Variants in INPP5F observed in about 807,000 individuals in gnomAD.
INPP5F encodes the protein inositol polyphosphate-5-phosphatase F.
INPP5F carries 97 observed loss-of-function variants against 137.2 expected under a neutral mutation model. The observed-to-expected ratio is 0.71, with a 90% CI of 0.60 to 0.84. The LOEUF is 0.84. Among genes scored for constraint, INPP5F ranks in the 40% least tolerant of loss-of-function variants. The pLI, the probability that INPP5F is intolerant of heterozygous loss-of-function variation, is 0.00. For synonymous variants in INPP5F, 504 were observed against 476.9 expected, an observed-to-expected ratio of 1.06 and a Z score of -0.74; for missense variants, 1,271 against 1,371.9, an observed-to-expected ratio of 0.93 and a Z score of 1.16.
At chr10:119,799,180 G>C in intron 9 of INPP5F, 1 of 228,130 alleles carries the variant, frequency 4.4e-6, no homozygotes, top group South Asian at 5.3e-5. Flanking sequence ...TGGTAGGTGA[G>C]ATACAAGTTC....
At chr10:119,741,641 T>C (rs979443066) in intron 1 of INPP5F, among the ~76,000 whole-genome samples, 2 of 152,166 alleles carry the variant, frequency 1.3e-5, no homozygotes, top group South Asian at 4.1e-4. Flanking sequence ...TTCAAGCCGT[T>C]CTCTTGCCTC....
chr10:119,769,433 G>A (rs35490121), intron 2 of INPP5F, among the ~76,000 whole-genome samples: 6,336 of 152,210 alleles, frequency 0.042, 235 homozygotes, highest in South Asian at 0.22. Flanking sequence ...GGATCTGGCA[G>A]TGATGTTTAA....
chr10:119,821,337 CGTGTGT>C (rs3067616), intron 16 of INPP5F, among the ~76,000 whole-genome samples: 12 of 150,046 alleles, frequency 8.0e-5, no homozygotes, highest in Admixed American at 2.7e-4. Flanking sequence ...TATGCAATAA[CGTGTGT>C]GTGTGTGTGT....
At chr10:119,774,261 CAAAAAAAAAAA>C (rs572329987) in intron 2 of INPP5F, among the ~76,000 whole-genome samples, 1 of 82,138 alleles carries the variant, frequency 1.2e-5, no homozygotes, top group Non-Finnish European at 2.4e-5. Flanking sequence ...ACTCAGTCTC[CAAAAAAAAAAA>C]AAAAAAAAAA....
chr10:119,759,395 CT>C (rs879801815), intron 2 of INPP5F, among the ~76,000 whole-genome samples: 30 of 147,186 alleles, frequency 2.0e-4, no homozygotes, highest in Non-Finnish European at 3.0e-4. Flanking sequence ...GTAAGATTTA[CT>C]TTTTTTTTTT....
chr10:119,765,779 GTGTGTA>G (rs1206172436), intron 2 of INPP5F, among the ~76,000 whole-genome samples: 84 of 142,198 alleles, frequency 5.9e-4, no homozygotes, highest in African/African-American at 2.1e-3. Flanking sequence ...GTGTGTGTGT[GTGTGTA>G]TAGTGTATAT....
intron 7 of INPP5F, 38 bp downstream of exon 7, chr10:119,796,951 A>G (rs1171540863): frequency 1.3e-6 from 2 of 1,548,380 alleles, no homozygotes; most frequent in Non-Finnish European, 1.8e-6. Flanking sequence ...AATCAAATCC[A>G]GGCGAGAATG....
chr10:119,767,578 A>G (rs926567341), intron 2 of INPP5F, among the ~76,000 whole-genome samples: 2 of 152,238 alleles, frequency 1.3e-5, no homozygotes, highest in African/African-American at 4.8e-5. Flanking sequence ...TATGTCAGAC[A>G]TTACATAACA....
At chr10:119,732,509 T>C (rs1848109358) in intron 1 of INPP5F, among the ~76,000 whole-genome samples, 1 of 148,078 alleles carries the variant, frequency 6.8e-6, no homozygotes, top group African/African-American at 2.5e-5. Context: ...TCTTTTTTTT[T>C]TTTTTTTTGA....
chr10:119,782,609 G>A (rs1052575520), intron 3 of INPP5F, among the ~76,000 whole-genome samples: 7 of 152,088 alleles, frequency 4.6e-5, no homozygotes, highest in African/African-American at 1.4e-4. Flanking sequence ...TGAGCTGAGG[G>A]GTTCGAGACC....
At chr10:119,786,850 C>A (rs757138855) in intron 3 of INPP5F, among the ~76,000 whole-genome samples, 2 of 152,098 alleles carry the variant, frequency 1.3e-5, no homozygotes, top group Non-Finnish European at 2.9e-5. Flanking sequence ...TAGAAAAAAT[C>A]ACTTTTAAGA....
intron 2 of INPP5F, among the ~76,000 whole-genome samples, chr10:119,779,124 G>C (rs984961826): frequency 9.2e-5 from 14 of 152,076 alleles, no homozygotes; most frequent in Non-Finnish European, 4.4e-5. Flanking sequence ...GATACATATA[G>C]TTATGCATCA....
At chr10:119,758,209 G>C (rs1848906843) in intron 2 of INPP5F, among the ~76,000 whole-genome samples, 1 of 152,224 alleles carries the variant, frequency 6.6e-6, no homozygotes, top group African/African-American at 2.4e-5. Flanking sequence ...TGACAGAAGA[G>C]CCTAACTGGG....
At position 119,827,921 on chromosome 10, in the gene INPP5F, T is replaced by C; in HGVS notation, c.*141T>C. 1 of 676,800 alleles carries C rather than the reference T, an allele frequency of 1.5e-6. No homozygotes were observed. The allele number at this position is 676,800 out of a possible 1,614,324, so 41.9% of individuals were successfully genotyped here. On this transcript the variant is annotated 3_prime_UTR_variant, in exon 20 of 20. Coordinates refer to ENST00000650623, the MANE Select transcript of INPP5F (RefSeq NM_014937.4). ...AAGGGTTTTAAACGGAGTCGGAACC[T>C]GAGTAGATTTCCAAATTTTACAGCC... is the stretch of plus-strand genomic sequence containing the variant.
chr10:119,810,258 C>T, intron 14 of INPP5F, 41 bp downstream of exon 14: 2 of 1,018,110 alleles, frequency 2.0e-6, no homozygotes, highest in Non-Finnish European at 1.5e-6. Context: ...AAATTTATGT[C>T]TTCTGTGACT....
At position 119,797,450 on chromosome 10, in the gene INPP5F, T is replaced by C. The variant is rs778769972; in HGVS notation, c.869-11T>C. 2 of 1,587,874 alleles carry C rather than the reference T, an allele frequency of 1.3e-6. No individual in the cohort carries two copies. The highest frequency in any genetic ancestry group is 2.3e-5 in the South Asian group (2 of 87,294). Reference sequence around the variant, plus strand: ...AAAATGTTGCTGTTTTCTGTTTTAATTTTCTTTCAGGAATGCGCTATAAAC... The same window carrying C: ...AAAATGTTGCTGTTTTCTGTTTTAACTTTCTTTCAGGAATGCGCTATAAAC... On this transcript the variant is annotated splice_polypyrimidine_tract_variant and intron_variant, in intron 7 of 19. Coordinates refer to ENST00000650623, the MANE Select transcript of INPP5F (RefSeq NM_014937.4).
rs2134205241 is a variant in INPP5F, at chr10:119,791,552, A to G, written c.351A>G (p.Pro117=). The change falls in exon 4 of 20, where the codon CCA becomes CCG. Residue 117 remains proline (P), a synonymous_variant. Coordinates refer to ENST00000650623, the MANE Select transcript of INPP5F (RefSeq NM_014937.4). Reference sequence around the variant, plus strand: ...AGCATCATTTTGGTATTAACAAACCAGAGAAGATCATACCATCTCCTGATG... The same window carrying G: ...AGCATCATTTTGGTATTAACAAACCGGAGAAGATCATACCATCTCCTGATG... The part of the protein sequence containing the change: ...CKKHHFGINK[P]EKIIPSPDDS... 1 of 1,603,078 alleles carries G rather than the reference A, an allele frequency of 6.2e-7. No individual in the cohort carries two copies. Among genetic ancestry groups the G allele is most frequent in the South Asian group, 1.1e-5 (1 of 90,846 alleles).
At chr10:119,815,903 T>C (rs1026139528) in intron 15 of INPP5F, 3 of 152,658 alleles carry the variant, frequency 2.0e-5, no homozygotes, top group African/African-American at 7.2e-5. Context: ...TGTTGGCCGC[T>C]TGCTAGATTT....
chr10:119,758,152 T>TA (rs989051537), intron 2 of INPP5F, among the ~76,000 whole-genome samples: 1 of 152,198 alleles, frequency 6.6e-6, no homozygotes, highest in Non-Finnish European at 1.5e-5. Context: ...GTTTTACCAT[T>TA]AAAAATGTAA....
Sources: gnomAD v4.1 joint callset for allele counts (sites outside exome capture counted in the v4.1 genomes callset) on GRCh38, gnomAD v4.1.1 for gene constraint, MANE v1.5 for transcripts, NCBI Gene and HGNC (gene_info 2026-07-23, HGNC 2026-07-21) for gene names.